The following KCNK2 variants were observed in gnomAD, a reference collection of about 807,000 sequenced individuals.
The protein encoded by KCNK2 is potassium channel subfamily K member 2.
In KCNK2, 21 loss-of-function variants were observed where a neutral mutation model predicts 40.5. The ratio of observed to expected loss-of-function variants is 0.52; its 90% CI spans 0.37 to 0.75. KCNK2 has a LOEUF of 0.75. Ranked by LOEUF, KCNK2 falls within the 30% of genes least tolerant of loss-of-function variation. The pLI, the probability that KCNK2 is intolerant of heterozygous loss-of-function variation, is 0.00. For missense variants in KCNK2, 399 were observed against 531.6 expected (o/e 0.75, Z 2.45); for synonymous variants, 191 against 202.2 (o/e 0.94, Z 0.47).
chr1:215,044,795 A>G (rs61818263), intron 1 of KCNK2, among the ~76,000 whole-genome samples: 11 of 145,730 alleles, frequency 7.5e-5, no homozygotes, highest in African/African-American at 2.3e-4. Context: ...GGATAAGTGT[A>G]TGTGTGTGTG....
intron 2 of KCNK2, among the ~76,000 whole-genome samples, chr1:215,090,285 T>G (rs1210531801): frequency 6.6e-6 from 1 of 152,172 alleles, no homozygotes. Context: ...GCTTTTACCT[T>G]ATAGGGAAAC....
At chr1:215,190,572 A>G (rs1274466452) in intron 5 of KCNK2, among the ~76,000 whole-genome samples, 1 of 152,082 alleles carries the variant, frequency 6.6e-6, no homozygotes, top group South Asian at 2.1e-4. Context: ...TGAGATTGTG[A>G]TATCTCCATT....
Position 215,236,045 on chromosome 1 carries a change from A to AATCTATCTATTATCTATCTATCTATCT in KCNK2, c.*910_*911insTATCTATCTATCTATCTATCTATCTAT, listed in dbSNP as rs1553277249. 6.9e-5 allele frequency: 10 copies of AATCTATCTATTATCTATCTATCTATCT among 144,302 alleles called. No individual in the cohort carries two copies. Among genetic ancestry groups the AATCTATCTATTATCTATCTATCTATCT allele is most frequent in the African/African-American group, 2.7e-4 (10 of 37,618 alleles). The allele number at this position is 144,302 out of a possible 1,614,324, so 8.9% of individuals were successfully genotyped here. ...TACATTTTTAAAGGCAGAAGAAGAA[A>AATCTATCTATTATCTATCTATCTATCT]ATCTATCTATCTATCTATCTATCTA... On this transcript the variant is annotated 3_prime_UTR_variant, in exon 7 of 7. Coordinates refer to ENST00000444842, the MANE Select transcript of KCNK2 (RefSeq NM_001017425.3).
chr1:215,028,606 T>A (rs1036138309), intron 1 of KCNK2, among the ~76,000 whole-genome samples: 1 of 152,044 alleles, frequency 6.6e-6, no homozygotes, highest in African/African-American at 2.4e-5. Flanking sequence ...TCTTCTTTAA[T>A]AACAGACATT....
chr1:215,131,947 T>A (rs1346553854), intron 3 of KCNK2, among the ~76,000 whole-genome samples: 2 of 152,142 alleles, frequency 1.3e-5, no homozygotes, highest in Non-Finnish European at 2.9e-5. Flanking sequence ...ATGATAACAA[T>A]CACAGACTTA....
intron 6 of KCNK2, among the ~76,000 whole-genome samples, chr1:215,211,082 G>C (rs1020705044): frequency 2.6e-5 from 4 of 152,084 alleles, no homozygotes; most frequent in Middle Eastern, 3.2e-3. Flanking sequence ...GTCGTATCAT[G>C]TTATTTCTCT....
intron 6 of KCNK2, among the ~76,000 whole-genome samples, chr1:215,234,097 T>G (rs1666780506): frequency 6.6e-6 from 1 of 152,202 alleles, no homozygotes; most frequent in Admixed American, 6.5e-5. Flanking sequence ...GCCCACAGGT[T>G]GAGTAACTTC....
intron 1 of KCNK2, among the ~76,000 whole-genome samples, chr1:215,065,950 G>A (rs1006973001): frequency 1.6e-4 from 25 of 152,102 alleles, no homozygotes; most frequent in African/African-American, 5.8e-4. Context: ...GGGCAACATG[G>A]TAAGACTGTC....
chr1:215,210,012 A>ATATATATTT (rs1665658103), intron 6 of KCNK2, among the ~76,000 whole-genome samples: 1 of 49,978 alleles, frequency 2.0e-5, no homozygotes, highest in Non-Finnish European at 4.4e-5. Flanking sequence ...ATTATATATA[A>ATATATATTT]TATATAATAT....
chr1:215,195,221 A>T (rs1664815520), intron 6 of KCNK2, 129 bp downstream of exon 6: 1 of 761,720 alleles, frequency 1.3e-6, no homozygotes, highest in Non-Finnish European at 1.9e-6. Context: ...ATTTGGCATG[A>T]ATTTGCTGTA....
intron 1 of KCNK2, among the ~76,000 whole-genome samples, chr1:215,026,839 C>T (rs187466557): frequency 6.8e-4 from 104 of 152,010 alleles, no homozygotes; most frequent in African/African-American, 2.4e-3. Flanking sequence ...TATGTGTAAA[C>T]AAACATATAC....
chr1:215,067,529 G>C (rs1658600099), intron 1 of KCNK2, among the ~76,000 whole-genome samples: 1 of 152,056 alleles, frequency 6.6e-6, no homozygotes, highest in Admixed American at 6.6e-5. Context: ...GACTCTATAA[G>C]GACCCTTTCC....
rs1190721989 is a variant in KCNK2, at chr1:215,236,086, A to ATCTG, written c.*944_*945insGTCT. 6.8e-6 allele frequency: 1 copy of ATCTG among 147,174 alleles called. No homozygotes were observed. Among genetic ancestry groups the ATCTG allele is most frequent in the Non-Finnish European group, 1.5e-5 (1 of 67,994 alleles). 9.1% of individuals were successfully genotyped at this position (147,174 alleles called of 1,614,324 possible). A position where few individuals can be genotyped will look rare whatever the true frequency, so the allele number is the denominator to read the frequency against. On this transcript the variant is annotated 3_prime_UTR_variant, in exon 7 of 7. Transcript: ENST00000444842. ...TATCTATCTATCTATCTATCTATCTATCTATCTATCTAAATGACCTGACAG... is the reference window on the plus strand; with the variant it reads ...TATCTATCTATCTATCTATCTATCTATCTGTCTATCTATCTAAATGACCTGACAG...
At chr1:215,108,520 A>G (rs1364165546) in intron 2 of KCNK2, among the ~76,000 whole-genome samples, 1 of 152,086 alleles carries the variant, frequency 6.6e-6, no homozygotes, top group Admixed American at 6.6e-5. Context: ...TGTTTGACAT[A>G]GTCCTATTAA....
intron 1 of KCNK2, among the ~76,000 whole-genome samples, chr1:215,032,340 C>G (rs1657231393): frequency 6.6e-6 from 1 of 151,968 alleles, no homozygotes; most frequent in Non-Finnish European, 1.5e-5. Context: ...CTCAGTAGTT[C>G]AGGGCTGCAG....
At chr1:215,195,742 T>C (rs1191560401) in intron 6 of KCNK2, among the ~76,000 whole-genome samples, 1 of 152,206 alleles carries the variant, frequency 6.6e-6, no homozygotes, top group Non-Finnish European at 1.5e-5. Flanking sequence ...AATTCTATTG[T>C]TTGGAAATTA....
intron 1 of KCNK2, among the ~76,000 whole-genome samples, chr1:215,025,090 T>C (rs914021237): frequency 2.0e-5 from 3 of 152,086 alleles, no homozygotes; most frequent in Admixed American, 1.3e-4. Flanking sequence ...GGTTTTAGGG[T>C]CACAGTGCCT....
intron 1 of KCNK2, among the ~76,000 whole-genome samples, chr1:215,029,091 A>G (rs1342692101): frequency 6.6e-6 from 1 of 151,738 alleles, no homozygotes; most frequent in Admixed American, 6.6e-5. Flanking sequence ...AACATCCCCC[A>G]CCAGAGTTTT....
At chr1:215,122,965 C>T (rs1661259336) in intron 2 of KCNK2, among the ~76,000 whole-genome samples, 2 of 151,798 alleles carry the variant, frequency 1.3e-5, no homozygotes, top group East Asian at 3.9e-4. Flanking sequence ...AGGATGGTCT[C>T]GATCTCCTGA....
Sources: allele counts gnomAD v4.1 joint callset (sites outside exome capture counted in the v4.1 genomes callset), GRCh38; gene constraint gnomAD v4.1.1; transcripts MANE v1.5; gene names NCBI Gene and HGNC (gene_info 2026-07-23, HGNC 2026-07-21).